Variants in MARCHF3 observed in about 807,000 individuals in gnomAD.
MARCHF3 encodes membrane associated ring-CH-type finger 3, also known as E3 ubiquitin-protein ligase MARCHF3.
A neutral mutation model predicts 24.2 loss-of-function variants in MARCHF3; 13 were observed. That is an observed-to-expected ratio of 0.54 (90% confidence interval 0.35 to 0.85). The LOEUF (loss-of-function observed/expected upper bound fraction) is 0.85. MARCHF3 is among the 40% of genes least tolerant of loss of function. The pLI, the probability that MARCHF3 is intolerant of heterozygous loss-of-function variation, is 0.01. For missense variants in MARCHF3, 276 were observed against 325.0 expected, an observed-to-expected ratio of 0.85 and a Z score of 1.16; for synonymous variants, 144 against 137.3, an observed-to-expected ratio of 1.05 and a Z score of -0.34.
At chr5:126,911,403 G>A (rs920331299) in intron 3 of MARCHF3, among the ~76,000 whole-genome samples, 2 of 152,022 alleles carry the variant, frequency 1.3e-5, no homozygotes, top group African/African-American at 4.8e-5. Context: ...TCTCTCTTTT[G>A]TACTCTGTCC....
At chr5:126,876,157 TTTTCTTCC>T (rs1196305469) in intron 4 of MARCHF3, among the ~76,000 whole-genome samples, 8 of 152,202 alleles carry the variant, frequency 5.3e-5, no homozygotes, top group Admixed American at 5.2e-4. Flanking sequence ...ATAACCTTTC[TTTTCTTCC>T]TTTCTTCCTT....
At position 127,023,420 on chromosome 5, in the gene MARCHF3, G is replaced by C. The variant is rs182059346; in HGVS notation, c.-57+6930C>G. On this transcript the variant is annotated intron_variant, in intron 1 of 4. Transcript: ENST00000308660. ...TAGTTTATAAAATAAAAAATTGCTG[G>C]AATTATTTTTTTTAAAAAGTTTCCC... Among the ~76,000 whole-genome samples the C allele has an allele frequency of 3.2e-3, 492 of 152,028 alleles. 3 individuals carry two copies. Among genetic ancestry groups the C allele is most frequent in the Non-Finnish European group, 5.2e-3 (353 of 67,996 alleles).
intron 3 of MARCHF3, among the ~76,000 whole-genome samples, chr5:126,901,606 T>C (rs1163573172): frequency 6.6e-6 from 1 of 152,158 alleles, no homozygotes; most frequent in Non-Finnish European, 1.5e-5. Flanking sequence ...TTTAAAACTA[T>C]GTATTCTTTC....
chr5:126,989,110 T>A (rs981236544), intron 1 of MARCHF3, among the ~76,000 whole-genome samples: 1 of 151,868 alleles, frequency 6.6e-6, no homozygotes, highest in Non-Finnish European at 1.5e-5. Context: ...TGAGACCCCA[T>A]CTCTACAAAA....
At chr5:126,969,896 G>T (rs759603890) in intron 1 of MARCHF3, among the ~76,000 whole-genome samples, 2 of 152,038 alleles carry the variant, frequency 1.3e-5, no homozygotes, top group Non-Finnish European at 1.5e-5. Context: ...CAACCATCTC[G>T]CCCTGGTGCT....
At chr5:126,877,578 A>G (rs1258658213) in intron 4 of MARCHF3, among the ~76,000 whole-genome samples, 2 of 152,228 alleles carry the variant, frequency 1.3e-5, no homozygotes, top group African/African-American at 4.8e-5. Context: ...ACACACAGCG[A>G]GAACACTTAT....
chr5:126,981,263 C>T (rs1751384604), intron 1 of MARCHF3, among the ~76,000 whole-genome samples: 1 of 152,200 alleles, frequency 6.6e-6, no homozygotes. Flanking sequence ...ATAATGGAAC[C>T]TCTCCTAGTA....
At chr5:126,888,139 AAT>A (rs561047673) in intron 3 of MARCHF3, among the ~76,000 whole-genome samples, 7 of 152,202 alleles carry the variant, frequency 4.6e-5, no homozygotes, top group Admixed American at 1.3e-4. Flanking sequence ...ATATAACTGA[AAT>A]GCATATATAA....
At chr5:127,015,776 C>T (rs1394680919) in intron 1 of MARCHF3, among the ~76,000 whole-genome samples, 1 of 152,134 alleles carries the variant, frequency 6.6e-6, no homozygotes, top group African/African-American at 2.4e-5. Flanking sequence ...TTACAGTTAC[C>T]CTTGGTCAAC....
chr5:126,884,285 C>T (rs1447808722), intron 3 of MARCHF3, among the ~76,000 whole-genome samples: 2 of 152,106 alleles, frequency 1.3e-5, no homozygotes, highest in African/African-American at 2.4e-5. Flanking sequence ...CTGAACTCCA[C>T]AGTCTGTCAA....
rs373034125 is a variant in MARCHF3 at position 126,985,767 on chromosome 5, G to A, written c.-57+44583C>T. Among the ~76,000 whole-genome samples the A allele has an allele frequency of 2.7e-4, 41 of 152,268 alleles. 1 individual carries two copies. Among genetic ancestry groups the A allele is most frequent in the African/African-American group, 9.4e-4 (39 of 41,558 alleles). On this transcript the variant is annotated intron_variant, in intron 1 of 4. Coordinates refer to ENST00000308660, the MANE Select transcript of MARCHF3 (RefSeq NM_178450.5). ...TGGGATTACAGGCGTGAGCCACTGC[G>A]CCCGGCCTACCTGGATGAATTTTTA...
chr5:126,967,790 C>A (rs1750867784), intron 1 of MARCHF3, among the ~76,000 whole-genome samples: 1 of 152,170 alleles, frequency 6.6e-6, no homozygotes, highest in Non-Finnish European at 1.5e-5. Context: ...CCACATCCAA[C>A]CTGCTGCCTG....
chr5:126,888,412 TCA>T (rs1347350501), intron 3 of MARCHF3, among the ~76,000 whole-genome samples: 4 of 152,238 alleles, frequency 2.6e-5, no homozygotes, highest in African/African-American at 9.6e-5. Context: ...CTACACACAC[TCA>T]CACCAATGGT....
At chr5:126,944,719 G>A (rs1442866629) in intron 1 of MARCHF3, among the ~76,000 whole-genome samples, 1 of 152,180 alleles carries the variant, frequency 6.6e-6, no homozygotes, top group Non-Finnish European at 1.5e-5. Context: ...TTGGTTCTAG[G>A]TCAGGTATAA....
rs1748953268 is a variant in MARCHF3 at position 126,917,956 on chromosome 5, G to T, written c.188+28C>A. The T allele has an allele frequency of 1.9e-6, 3 of 1,600,706 alleles. No homozygotes were observed. In the African/African-American group the frequency reaches 4.0e-5, roughly 21 times the overall value. ...CAAAGAGTTCTCTGGATCAATTACAGATTCATTTATTTTAATTGTGGTACT... is the reference window on the plus strand; with the variant it reads ...CAAAGAGTTCTCTGGATCAATTACATATTCATTTATTTTAATTGTGGTACT... On this transcript the variant is annotated intron_variant, in intron 2 of 4. Coordinates refer to ENST00000308660, the MANE Select transcript of MARCHF3 (RefSeq NM_178450.5).
intron 3 of MARCHF3, among the ~76,000 whole-genome samples, chr5:126,895,097 C>G (rs143778128): frequency 1.3e-5 from 2 of 152,012 alleles, no homozygotes; most frequent in East Asian, 1.9e-4. Flanking sequence ...TCCAGTTGAT[C>G]GCATCAGCTC....
intron 1 of MARCHF3, among the ~76,000 whole-genome samples, chr5:126,968,566 A>T (rs1433851751): frequency 1.3e-5 from 2 of 152,042 alleles, no homozygotes; most frequent in Non-Finnish European, 2.9e-5. Context: ...TCTTTTGTCC[A>T]GTTTTCAATT....
At chr5:126,955,277 C>T (rs866436882) in intron 1 of MARCHF3, among the ~76,000 whole-genome samples, 2 of 152,190 alleles carry the variant, frequency 1.3e-5, no homozygotes, top group Non-Finnish European at 1.5e-5. Context: ...GACATTAGGT[C>T]TCATCATGAC....
chr5:126,939,397 G>A (rs73337227), intron 1 of MARCHF3, among the ~76,000 whole-genome samples: 2,384 of 152,196 alleles, frequency 0.016, 60 homozygotes, highest in African/African-American at 0.051. Flanking sequence ...TACTAACACC[G>A]TGGCTACTAC....
Sources: allele counts gnomAD v4.1 joint callset (sites outside exome capture counted in the v4.1 genomes callset), GRCh38; gene constraint gnomAD v4.1.1; transcripts MANE v1.5; gene names NCBI Gene and HGNC (gene_info 2026-07-23, HGNC 2026-07-21).